CADM2: variants seen among roughly 807,000 people sequenced by gnomAD.
The protein encoded by CADM2 is immunoglobulin superfamily member 4D.
Under a neutral mutation model 49.8 loss-of-function variants are expected in CADM2, and 12 were observed. The observed-to-expected ratio is 0.24, with a 90% CI of 0.15 to 0.39. CADM2 has a LOEUF of 0.39. Among genes scored for constraint, CADM2 ranks in the 10% least tolerant of loss-of-function variants. CADM2 has a pLI of 1.00. For missense variants in CADM2, 378 were observed against 492.3 expected (o/e 0.77, Z 2.20); for synonymous variants, 214 against 175.4 (o/e 1.22, Z -1.74).
intron 1 of CADM2, among the ~76,000 whole-genome samples, chr3:85,519,451 G>C (rs1402632037): frequency 2.0e-5 from 3 of 152,044 alleles, no homozygotes; most frequent in Admixed American, 2.0e-4. Flanking sequence ...ATCAATATTT[G>C]TATTATATAA....
intron 1 of CADM2, among the ~76,000 whole-genome samples, chr3:85,055,229 A>G (rs1383193320): frequency 2.0e-5 from 3 of 151,958 alleles, no homozygotes; most frequent in Admixed American, 1.3e-4. Context: ...CTTAAAACTG[A>G]GAGTTCAATG....
intron 1 of CADM2, among the ~76,000 whole-genome samples, chr3:85,627,842 A>G (rs2064172266): frequency 6.6e-6 from 1 of 152,084 alleles, no homozygotes; most frequent in Non-Finnish European, 1.5e-5. Context: ...GATACAAGGT[A>G]GAGAATTGGA....
chr3:85,399,909 T>C (rs1159307034), intron 1 of CADM2, among the ~76,000 whole-genome samples: 3 of 152,340 alleles, frequency 2.0e-5, no homozygotes, highest in South Asian at 2.1e-4. Context: ...TCATGTCATC[T>C]GCAAACAGGG....
chr3:85,830,254 C>A (rs1014850027), intron 3 of CADM2, among the ~76,000 whole-genome samples: 4 of 151,912 alleles, frequency 2.6e-5, no homozygotes, highest in Non-Finnish European at 5.9e-5. Context: ...ATTTGATTTG[C>A]ATATCCCTGG....
chr3:85,244,018 G>T (rs1270786691), intron 1 of CADM2, among the ~76,000 whole-genome samples: 1 of 151,968 alleles, frequency 6.6e-6, no homozygotes, highest in South Asian at 2.1e-4. Context: ...TGTAACAACT[G>T]AATATTTTCA....
At chr3:85,157,032 T>G (rs1047403301) in intron 1 of CADM2, among the ~76,000 whole-genome samples, 1 of 152,108 alleles carries the variant, frequency 6.6e-6, no homozygotes, top group African/African-American at 2.4e-5. Flanking sequence ...GCAAGCATTC[T>G]TATACACCAA....
In CADM2 at chr3:85,235,469, T is replaced by C. The variant is rs373390712; in HGVS notation, c.61+275801T>C. ...GAATTGATTATAAATGTTCATGCTG[T>C]ATTTTGATGCAAGAATTAATTGGTA... On this transcript the variant is annotated intron_variant, in intron 1 of 9. Transcript: ENST00000383699. 2.0e-4 allele frequency among the ~76,000 whole-genome samples: 31 copies of C among 152,262 alleles called. No individual in the cohort carries two copies. The East Asian group carries it at 5.4e-3, about 27-fold the overall frequency.
intron 1 of CADM2, among the ~76,000 whole-genome samples, chr3:85,081,795 A>C (rs1026566709): frequency 2.6e-5 from 4 of 152,188 alleles, no homozygotes; most frequent in African/African-American, 9.7e-5. Context: ...AAAAGAGTAA[A>C]TACCATTGTC....
intron 1 of CADM2, among the ~76,000 whole-genome samples, chr3:85,112,544 A>G (rs948260064): frequency 6.6e-5 from 10 of 152,068 alleles, no homozygotes; most frequent in Admixed American, 5.9e-4. Flanking sequence ...TTCACCCCGT[A>G]TAAAGTTGAC....
At chr3:85,604,482 C>G (rs1402201205) in intron 1 of CADM2, among the ~76,000 whole-genome samples, 1 of 151,932 alleles carries the variant, frequency 6.6e-6, no homozygotes, top group Non-Finnish European at 1.5e-5. Context: ...ATGTGAAACT[C>G]TGTGTTTGTG....
At chr3:85,680,270 A>G (rs1394871356) in intron 1 of CADM2, among the ~76,000 whole-genome samples, 1 of 152,118 alleles carries the variant, frequency 6.6e-6, no homozygotes, top group East Asian at 1.9e-4. Flanking sequence ...TATTTGTATC[A>G]TTTTAATTAA....
intron 1 of CADM2, among the ~76,000 whole-genome samples, chr3:85,551,573 T>C (rs2061803095): frequency 6.6e-6 from 1 of 152,158 alleles, no homozygotes; most frequent in South Asian, 2.1e-4. Flanking sequence ...AAAATTGATA[T>C]TTTGTCTTTT....
At chr3:85,273,778 G>A (rs150353435) in intron 1 of CADM2, among the ~76,000 whole-genome samples, 3 of 150,356 alleles carry the variant, frequency 2.0e-5, no homozygotes, top group Non-Finnish European at 3.0e-5. Context: ...CAGAAAAGAA[G>A]CACATTTTGG....
At position 85,898,956 on chromosome 3, in the gene CADM2, T is replaced by TATATATATATATATATATATA. The variant is rs58838667; in HGVS notation, c.529+12629_529+12630insATATATATATATATATATATA. Among the ~76,000 whole-genome samples, 83 of 21,690 alleles carry TATATATATATATATATATATA rather than the reference T, an allele frequency of 3.8e-3. 2 individuals are homozygous for TATATATATATATATATATATA. Among genetic ancestry groups the TATATATATATATATATATATA allele is most frequent in the East Asian group, 0.011 (7 of 654 alleles). 14.2% of individuals were successfully genotyped at this position (21,690 alleles called of 152,430 possible). A position where few individuals can be genotyped will look rare whatever the true frequency, so the allele number is the denominator to read the frequency against. The stretch of plus-strand genomic sequence containing the variant: ...TATTGTGTATATATATATATATATA[T>TATATATATATATATATATATA]TTTTTTTTTTTTTTTTTTTTTTTTT... On this transcript the variant is annotated intron_variant, in intron 5 of 9. Coordinates refer to ENST00000383699, the MANE Select transcript of CADM2 (RefSeq NM_001167675.2).
intron 1 of CADM2, among the ~76,000 whole-genome samples, chr3:85,672,183 T>TAGG: frequency 6.7e-6 from 1 of 148,704 alleles, no homozygotes; most frequent in Non-Finnish European, 1.5e-5. Flanking sequence ...AATTTACTTC[T>TAGG]AGGATGTCTT....
intron 1 of CADM2, among the ~76,000 whole-genome samples, chr3:85,648,666 A>C (rs2107574570): frequency 6.6e-6 from 1 of 152,112 alleles, no homozygotes; most frequent in Non-Finnish European, 1.5e-5. Flanking sequence ...TTGTAGATTA[A>C]TGTTATAGTC....
intron 1 of CADM2, among the ~76,000 whole-genome samples, chr3:85,330,227 T>C (rs552429797): frequency 1.3e-5 from 2 of 152,150 alleles, no homozygotes; most frequent in African/African-American, 4.8e-5. Context: ...CTTGGAAACA[T>C]CACCTAACCT....
At chr3:85,053,087 C>T (rs915715633) in intron 1 of CADM2, among the ~76,000 whole-genome samples, 1 of 151,938 alleles carries the variant, frequency 6.6e-6, no homozygotes, top group African/African-American at 2.4e-5. Flanking sequence ...AGTGGAATAT[C>T]AAATATGATT....
chr3:84,963,430 G>A (rs2030720894), intron 1 of CADM2, among the ~76,000 whole-genome samples: 1 of 152,028 alleles, frequency 6.6e-6, no homozygotes, highest in South Asian at 2.1e-4. Context: ...AAAGAAACAA[G>A]GGCAAAATAT....
Sources: gnomAD v4.1 joint callset for allele counts (sites outside exome capture counted in the v4.1 genomes callset) on GRCh38, gnomAD v4.1.1 for gene constraint, MANE v1.5 for transcripts, NCBI Gene and HGNC (gene_info 2026-07-23, HGNC 2026-07-21) for gene names.